The following CCM2 variants were observed in gnomAD, a reference collection of about 807,000 sequenced individuals.
CCM2 encodes the protein cerebral cavernous malformations 2 protein.
CCM2 carries 25 observed loss-of-function variants against 44.9 expected under a neutral mutation model. The ratio of observed to expected loss-of-function variants is 0.56; its 90% CI spans 0.41 to 0.78. The LOEUF (loss-of-function observed/expected upper bound fraction) is 0.78, where lower values mean the gene tolerates loss of function less well. CCM2 is among the 30% of genes least tolerant of loss of function. The pLI is 0.00. For synonymous variants in CCM2, 219 were observed against 241.1 expected (o/e 0.91, Z 0.85); for missense variants, 481 against 580.6 (o/e 0.83, Z 1.76).
rs1357790712 is a variant in CCM2, at chr7:45,009,042, C to T, written c.30+8679C>T. On this transcript the variant is annotated intron_variant, in intron 1 of 9. Coordinates refer to ENST00000258781, the MANE Select transcript of CCM2 (RefSeq NM_031443.4). Reference sequence around the variant, plus strand: ...TTTGGGACAGGCACGGTGCTCACGCCTCTAATCCCAGCACTTTAGAAGGCC... The same window carrying T: ...TTTGGGACAGGCACGGTGCTCACGCTTCTAATCCCAGCACTTTAGAAGGCC... Among the ~76,000 whole-genome samples, 3 of 152,200 alleles carry T rather than the reference C, an allele frequency of 2.0e-5. No individual in the cohort carries two copies. The East Asian group carries it at 5.8e-4, about 30-fold the overall frequency.
intron 1 of CCM2, among the ~76,000 whole-genome samples, chr7:45,018,179 C>T (rs2128717431): frequency 6.6e-6 from 1 of 152,238 alleles, no homozygotes; most frequent in South Asian, 2.1e-4. Flanking sequence ...ACTGATCTCA[C>T]AGGAGGCGGG....
chr7:45,002,672 A>C (rs1795689278), intron 1 of CCM2, among the ~76,000 whole-genome samples: 1 of 152,110 alleles, frequency 6.6e-6, no homozygotes, highest in East Asian at 1.9e-4. Context: ...CCAGTGTATC[A>C]CTGCCCTTTC....
At chr7:45,005,605 G>A (rs1357429073) in intron 1 of CCM2, among the ~76,000 whole-genome samples, 4 of 152,200 alleles carry the variant, frequency 2.6e-5, no homozygotes, top group African/African-American at 7.2e-5. Context: ...TAACTATTGA[G>A]CATTTAAATC....
chr7:45,048,855 GT>G (rs1797874851), intron 2 of CCM2, among the ~76,000 whole-genome samples: 1 of 152,226 alleles, frequency 6.6e-6, no homozygotes, highest in African/African-American at 2.4e-5. Context: ...GGCTCACCTA[GT>G]GACTATGAAT....
chr7:45,052,171 T>A (rs1798044742), intron 2 of CCM2, among the ~76,000 whole-genome samples: 1 of 152,224 alleles, frequency 6.6e-6, no homozygotes, highest in Non-Finnish European at 1.5e-5. Flanking sequence ...GGCAAACCCT[T>A]ATGTGGAGGA....
intron 1 of CCM2, among the ~76,000 whole-genome samples, chr7:45,028,369 C>T (rs1209907498): frequency 6.6e-6 from 1 of 152,070 alleles, no homozygotes; most frequent in Non-Finnish European, 1.5e-5. Context: ...TTGAAATTCG[C>T]TCTGTCAGCC....
chr7:45,076,237 C>T lies in CCM2; in HGVS notation c.*180C>T, dbSNP rs543177368. 1.5e-4 allele frequency: 125 copies of T among 854,246 alleles called. No homozygotes were observed. Among genetic ancestry groups the T allele is most frequent in the Non-Finnish European group, 2.1e-4 (113 of 527,222 alleles). 52.9% of individuals were successfully genotyped at this position (854,246 alleles called of 1,614,324 possible). ...AGGAGCAGGGAGCTGCCGAGGGACA[C>T]GAGCCTCAGTGCGGGGTGGAAGGCT... On this transcript the variant is annotated 3_prime_UTR_variant, in exon 10 of 10. Transcript: ENST00000258781.
At chr7:45,046,233 G>A (rs781764979) in intron 2 of CCM2, among the ~76,000 whole-genome samples, 51 of 152,208 alleles carry the variant, frequency 3.4e-4, no homozygotes, top group Admixed American at 2.0e-4. Flanking sequence ...GCAGTGGCAC[G>A]ATCTTAAATT....
chr7:45,023,360 G>GCCAA (rs1796556860), intron 1 of CCM2, among the ~76,000 whole-genome samples: 1 of 152,154 alleles, frequency 6.6e-6, no homozygotes, highest in Non-Finnish European at 1.5e-5. Flanking sequence ...GACCAGCCTG[G>GCCAA]CCAACATGGC....
rs185730770 is a variant in CCM2, at chr7:45,073,383, T to C, written c.804-77T>C. ...AGGACAGGGACCCACACACACGGCA[T>C]GGACTAGGTTTCCTGAAACGTGTGT... On this transcript the variant is annotated intron_variant, in intron 7 of 9. Transcript: ENST00000258781. 57 of 904,342 alleles carry C rather than the reference T, an allele frequency of 6.3e-5. No individual in the cohort carries two copies. In the East Asian group the frequency reaches 6.9e-4, roughly 11 times the overall value. The allele number at this position is 904,342 out of a possible 1,614,324, so 56.0% of individuals were successfully genotyped here.
chr7:45,056,959 A>G (rs147224378), intron 2 of CCM2, among the ~76,000 whole-genome samples: 101 of 152,258 alleles, frequency 6.6e-4, no homozygotes, highest in African/African-American at 2.2e-3. Context: ...TCACATTTAT[A>G]TATTTGACCC....
chr7:45,035,469 C>G (rs1003533996), intron 1 of CCM2, among the ~76,000 whole-genome samples: 7 of 151,962 alleles, frequency 4.6e-5, no homozygotes, highest in Non-Finnish European at 7.4e-5. Flanking sequence ...TATTCCAGGT[C>G]AAAGGGGAGA....
Position 45,074,331 on chromosome 7 carries a change from G to A in CCM2, c.977G>A (p.Arg326His), listed in dbSNP as rs778075744. The part of the protein sequence containing the change: ...QQFAALLHEY[R>H]NGASIHEFCI... The stretch of plus-strand genomic sequence containing the variant: ...TTTGCAGCACTGCTGCACGAGTACC[G>A]CAATGGGGCCTCTATCCACGAGTTC... The change falls in exon 9 of 10, where the codon CGC becomes CAC. Residue 326 changes from arginine (R) to histidine (H), a missense_variant. Arg to His is a conservative substitution (Grantham distance 29, BLOSUM62 0). Transcript: ENST00000258781. 3 of 1,613,746 alleles carry A rather than the reference G, an allele frequency of 1.9e-6. No homozygotes were observed. The highest frequency in any genetic ancestry group is 4.5e-5 in the East Asian group (2 of 44,884).
intron 2 of CCM2, among the ~76,000 whole-genome samples, chr7:45,060,186 C>T (rs994032531): frequency 2.6e-4 from 39 of 152,082 alleles, no homozygotes; most frequent in African/African-American, 8.7e-4. Context: ...ATCTTTATTT[C>T]TCTTTCACTT....
chr7:44,999,877 C>T (rs116670162), upstream of CCM2: 1,183 of 384,444 alleles, frequency 3.1e-3, 14 homozygotes, highest in African/African-American at 0.023. Flanking sequence ...CGCGGCCGTG[C>T]AGAAGCGAAG....
intron 4 of CCM2, among the ~76,000 whole-genome samples, chr7:45,066,841 G>A (rs186569074): frequency 1.3e-5 from 2 of 152,154 alleles, no homozygotes; most frequent in Non-Finnish European, 2.9e-5. Flanking sequence ...TGTTTAAAAG[G>A]TAGAGATTTC....
intron 1 of CCM2, among the ~76,000 whole-genome samples, chr7:45,030,244 G>T (rs1252514335): frequency 1.3e-5 from 2 of 152,186 alleles, no homozygotes; most frequent in East Asian, 3.8e-4. Flanking sequence ...GTTCAAAGGT[G>T]ACAAGATCAT....
intron 1 of CCM2, among the ~76,000 whole-genome samples, chr7:45,005,941 A>T (rs557077176): frequency 1.3e-5 from 2 of 152,338 alleles, no homozygotes; most frequent in East Asian, 1.9e-4. Flanking sequence ...ATGCACTTGA[A>T]GCCACTGGAG....
At chr7:45,046,901 A>C (rs977704568) in intron 2 of CCM2, among the ~76,000 whole-genome samples, 3 of 152,240 alleles carry the variant, frequency 2.0e-5, no homozygotes, top group Admixed American at 1.3e-4. Flanking sequence ...TCCGATTAAG[A>C]CATAAGCAAA....
Sources: allele counts gnomAD v4.1 joint callset (sites outside exome capture counted in the v4.1 genomes callset), GRCh38; gene constraint gnomAD v4.1.1; transcripts MANE v1.5; gene names NCBI Gene and HGNC (gene_info 2026-07-23, HGNC 2026-07-21).